ANKRD30A: variants seen among roughly 807,000 people sequenced by gnomAD.
ANKRD30A encodes ankyrin repeat domain-containing protein 30A.
A neutral mutation model predicts 166.3 loss-of-function variants in ANKRD30A; 170 were observed. The observed-to-expected ratio is 1.02, with a 90% CI of 0.90 to 1.16. The LOEUF (loss-of-function observed/expected upper bound fraction) is 1.16, where lower values mean the gene tolerates loss of function less well. Ranked by LOEUF, ANKRD30A falls within the 50% of genes most tolerant of loss-of-function variation. ANKRD30A has a pLI of 0.00. For synonymous variants in ANKRD30A, 564 were observed against 508.9 expected (o/e 1.11, Z -1.46); for missense variants, 1,630 against 1,518.0 (o/e 1.07, Z -1.23).
Position 37,211,290 on chromosome 10 carries a change from C to A in ANKRD30A, c.2870-4891C>A, listed in dbSNP as rs190455373. Among the ~76,000 whole-genome samples the A allele has an allele frequency of 3.6e-4, 55 of 152,012 alleles. No individual in the cohort carries two copies. In the East Asian group the frequency reaches 0.01, roughly 28 times the overall value. Reference sequence around the variant, plus strand: ...ATATCTCCTAATGCTATCCCTCCCCCACCCCACAACAGGCCCTGGTGTGTG... The same window carrying A: ...ATATCTCCTAATGCTATCCCTCCCCAACCCCACAACAGGCCCTGGTGTGTG... On this transcript the variant is annotated intron_variant, in intron 31 of 35. Coordinates refer to ENST00000361713, the MANE Select transcript of ANKRD30A (RefSeq NM_052997.3).
intron 33 of ANKRD30A, 137 bp downstream of exon 33, chr10:37,218,015 T>G: frequency 1.9e-6 from 1 of 536,326 alleles, no homozygotes; most frequent in Non-Finnish European, 3.0e-6. Context: ...ACTATCACAT[T>G]TGTAGCTACA....
chr10:37,248,043 CAT>C, the ANKRD30A span: 62 of 360,302 alleles, frequency 1.7e-4, no homozygotes, highest in African/African-American at 1.3e-3. Flanking sequence ...AAAAAAAAAT[CAT>C]GTGGTAGAAG....
intron 12 of ANKRD30A, among the ~76,000 whole-genome samples, chr10:37,152,800 T>G (rs17590236): frequency 2.6e-5 from 4 of 152,114 alleles, no homozygotes. Flanking sequence ...AGGTCACAAC[T>G]GTGGAAAGAC....
the ANKRD30A span, among the ~76,000 whole-genome samples, chr10:37,254,126 G>A: frequency 2.0e-5 from 3 of 152,160 alleles, no homozygotes; most frequent in African/African-American, 7.2e-5. Flanking sequence ...AAAATGCTAT[G>A]TATTATTTTA....
chr10:37,158,241 A>G (rs1178492272), intron 13 of ANKRD30A, 151 bp from the exon 14 acceptor site: 2 of 1,363,450 alleles, frequency 1.5e-6, no homozygotes, highest in African/African-American at 2.9e-5. Flanking sequence ...GCATGATAAC[A>G]AATACAATAA....
intron 29 of ANKRD30A, among the ~76,000 whole-genome samples, chr10:37,199,026 T>A (rs970466038): frequency 3.9e-5 from 6 of 152,074 alleles, no homozygotes; most frequent in Non-Finnish European, 7.4e-5. Context: ...AAGGCAATTA[T>A]TTTTTCCTAT....
intron 34 of ANKRD30A, among the ~76,000 whole-genome samples, chr10:37,228,470 T>C (rs999379910): frequency 6.6e-6 from 1 of 152,006 alleles, no homozygotes; most frequent in African/African-American, 2.4e-5. Context: ...GAATGCCAGA[T>C]TGATTAATAA....
Position 37,190,822 on chromosome 10 carries a change from A to T in ANKRD30A, c.2512+1265A>T, listed in dbSNP as rs186829522. 4.0e-5 allele frequency among the ~76,000 whole-genome samples: 6 copies of T among 151,028 alleles called. No individual in the cohort carries two copies. In the East Asian group the frequency reaches 1.2e-3, roughly 29 times the overall value. ...ATTAATATGAAGCATCAATATATAG[A>T]TATATATATATAGATGTATGTATGT... On this transcript the variant is annotated intron_variant, in intron 25 of 35. Transcript: ENST00000361713.
chr10:37,193,979 A>T (rs1415256675), intron 27 of ANKRD30A, among the ~76,000 whole-genome samples: 2 of 152,116 alleles, frequency 1.3e-5, no homozygotes, highest in African/African-American at 4.8e-5. Context: ...CAGATAAGTT[A>T]AGGTCAGGAG....
At chr10:37,151,215 G>T (rs1385140674) in intron 11 of ANKRD30A, among the ~76,000 whole-genome samples, 1 of 152,066 alleles carries the variant, frequency 6.6e-6, no homozygotes, top group African/African-American at 2.4e-5. Context: ...GTTGTAATTT[G>T]TACTTTGTAC....
intron 27 of ANKRD30A, among the ~76,000 whole-genome samples, chr10:37,193,792 A>G (rs1840806019): frequency 6.6e-6 from 1 of 152,118 alleles, no homozygotes; most frequent in Admixed American, 6.5e-5. Context: ...TAGAAGAGTG[A>G]CCCCAAAGCA....
At position 37,197,485 on chromosome 10, in the gene ANKRD30A, ATTT is replaced by A. The variant is rs746539258; in HGVS notation, c.2716+8_2716+10del. ...ATGAACAAACATTGAGAGCAGGTAC[ATTT>A]TTCAATGTAACTATGCGAAGACCAA... On this transcript the variant is annotated splice_donor_region_variant and intron_variant, in intron 29 of 35. Transcript: ENST00000361713. 2.5e-6 allele frequency: 4 copies of A among 1,612,126 alleles called. No individual in the cohort carries two copies. The highest frequency in any genetic ancestry group is 3.4e-6 in the Non-Finnish European group (4 of 1,179,632).
rs1418690036 is a variant in ANKRD30A at position 37,141,839 on chromosome 10, T to G, written c.942T>G (p.Pro314=). The G allele has an allele frequency of 1.1e-5, 17 of 1,613,880 alleles. No homozygotes were observed. The highest frequency in any genetic ancestry group is 1.4e-5 in the Non-Finnish European group (16 of 1,179,896). ...DEAAPLVERT[P]DTAESLVEKT... is the part of the protein sequence containing the mutation. ...CTGCACCCTTGGTGGAAAGAACACC[T>G]GACACGGCTGAAAGCTTGGTGGAAA... Residue 314 remains proline (P), a synonymous_variant, in exon 7 of 36, where the codon CCT becomes CCG. Transcript: ENST00000361713.
rs769408177 is a variant in ANKRD30A at position 37,219,825 on chromosome 10, G to T, written c.4113G>T (p.Glu1371Asp). Reference sequence around the variant, plus strand: ...ATCATCTCCTAAAAGAGAAAAATGAGGAGATATTTAATTACAATAACCATT... The same window carrying T: ...ATCATCTCCTAAAAGAGAAAAATGATGAGATATTTAATTACAATAACCATT... ...MQHHLLKEKN[E>D]EIFNYNNHLK... The change falls in exon 34 of 36, where the codon GAG (glutamate) becomes GAT (aspartate). Residue 1371 changes from glutamate (E) to aspartate (D), a missense_variant. This residue lies in a region of ANKRD30A where 712 missense variants were observed against 629.3 expected (regional missense o/e 1.13). Transcript: ENST00000361713. 6 of 1,596,440 alleles carry T rather than the reference G, an allele frequency of 3.8e-6. No homozygotes were observed. The highest frequency in any genetic ancestry group is 5.1e-6 in the Non-Finnish European group (6 of 1,170,312).
intron 13 of ANKRD30A, among the ~76,000 whole-genome samples, chr10:37,155,038 A>G (rs1387445860): frequency 3.3e-5 from 5 of 152,210 alleles, no homozygotes; most frequent in South Asian, 4.1e-4. Context: ...TTGCCATTTT[A>G]TAAAACCTCA....
At chr10:37,155,835 A>T (rs1838327601) in intron 13 of ANKRD30A, among the ~76,000 whole-genome samples, 2 of 152,068 alleles carry the variant, frequency 1.3e-5, no homozygotes, top group South Asian at 4.1e-4. Context: ...TAATTCCAGC[A>T]CTTTGGGAGG....
intron 13 of ANKRD30A, 73 bp from the exon 14 acceptor site, chr10:37,158,319 C>T: frequency 6.5e-7 from 1 of 1,535,416 alleles, no homozygotes; most frequent in Non-Finnish European, 8.9e-7. Flanking sequence ...TCTTCATGTT[C>T]ACACTGTGTG....
the ANKRD30A span, among the ~76,000 whole-genome samples, chr10:37,265,680 G>T: frequency 6.6e-6 from 1 of 152,224 alleles, no homozygotes; most frequent in Admixed American, 6.5e-5. Context: ...GTAGATTGAT[G>T]TTTGCACTGG....
intron 34 of ANKRD30A, among the ~76,000 whole-genome samples, chr10:37,224,069 G>A (rs1419495032): frequency 3.3e-5 from 5 of 151,088 alleles, no homozygotes; most frequent in Non-Finnish European, 7.4e-5. Flanking sequence ...TTTTTTCAGA[G>A]TCACAGCACA....
Sources: allele counts gnomAD v4.1 joint callset (sites outside exome capture counted in the v4.1 genomes callset), GRCh38; gene constraint gnomAD v4.1.1; regional missense constraint gnomAD v4.1.1; transcripts MANE v1.5; gene names NCBI Gene and HGNC (gene_info 2026-07-23, HGNC 2026-07-21).